Variants in MBD5 observed in about 807,000 individuals in gnomAD.
The protein encoded by MBD5 is methyl-CpG-binding domain protein 5.
A neutral mutation model predicts 117.3 loss-of-function variants in MBD5; 13 were observed. The observed-to-expected ratio is 0.11, with a 90% CI of 0.07 to 0.18. The LOEUF (loss-of-function observed/expected upper bound fraction) is 0.18. Among genes scored for constraint, MBD5 ranks in the 10% least tolerant of loss-of-function variants. The pLI, the probability that MBD5 is intolerant of heterozygous loss-of-function variation, is 1.00. For synonymous variants in MBD5, 727 were observed against 766.4 expected (o/e 0.95, Z 0.85); for missense variants, 1,879 against 2,093.8 (o/e 0.90, Z 2.00).
intron 1 of MBD5, among the ~76,000 whole-genome samples, chr2:148,156,275 T>A (rs115056386): frequency 0.026 from 3,969 of 152,294 alleles, 101 homozygotes; most frequent in African/African-American, 0.067. Flanking sequence ...CTGAGGTGCT[T>A]TAATCTGGCT....
At chr2:148,445,905 A>G (rs141059094) in intron 4 of MBD5, among the ~76,000 whole-genome samples, 24,165 of 150,932 alleles carry the variant, frequency 0.16, 2,402 homozygotes, top group Non-Finnish European at 0.19. Context: ...GCATTTTTTC[A>G]TGTGTCTGTT....
chr2:148,053,989 C>A (rs943728459), intron 1 of MBD5: 1 of 151,408 alleles, frequency 6.6e-6, no homozygotes, highest in South Asian at 2.1e-4. Flanking sequence ...CTCACTGCAA[C>A]CTCGACCTCC....
intron 3 of MBD5, among the ~76,000 whole-genome samples, chr2:148,286,060 A>G (rs974613960): frequency 1.3e-5 from 2 of 152,170 alleles, no homozygotes; most frequent in Non-Finnish European, 2.9e-5. Context: ...GTATTTAGCA[A>G]TAATATTTCA....
chr2:148,086,709 T>C (rs1027647871), intron 1 of MBD5, among the ~76,000 whole-genome samples: 2 of 152,150 alleles, frequency 1.3e-5, no homozygotes. Flanking sequence ...GGGATTCTTT[T>C]TGTATTTCCT....
rs763005983 is a variant in MBD5 at position 148,469,567 on chromosome 2, C to T, written c.1624C>T (p.Pro542Ser). 1.2e-6 allele frequency: 2 copies of T among 1,613,818 alleles called. No individual in the cohort carries two copies. Among genetic ancestry groups the T allele is most frequent in the Non-Finnish European group, 1.7e-6 (2 of 1,179,914 alleles). Residue 542 changes from proline to serine, a missense_variant, in exon 8 of 14, where the codon CCT (proline) becomes TCT (serine). Pro to Ser is a moderately conservative substitution (Grantham distance 74). Around this residue, in one of 4 missense-constraint regions of MBD5, gnomAD observed 1,666 missense variants for 1,792.2 expected, o/e 0.93. Transcript: ENST00000642680. The stretch of plus-strand genomic sequence containing the variant: ...AAATACCCCAAGCAGTGCAGCTTTT[C>T]CTACTGCATCTGCCGGAAGTAGTTC... ...VLNTPSSAAF[P>S]TASAGSSSVK...
chr2:148,462,212 A>G (rs948053432), intron 5 of MBD5, among the ~76,000 whole-genome samples: 2 of 152,100 alleles, frequency 1.3e-5, no homozygotes, highest in Non-Finnish European at 2.9e-5. Context: ...TTCAAAGTAG[A>G]TATTCTAGTT....
chr2:148,157,493 C>T (rs1331925955), intron 1 of MBD5, among the ~76,000 whole-genome samples: 1 of 152,084 alleles, frequency 6.6e-6, no homozygotes, highest in East Asian at 1.9e-4. Context: ...CTTCAGAGAC[C>T]TTGAGCAGTG....
intron 4 of MBD5, among the ~76,000 whole-genome samples, chr2:148,385,284 C>G (rs990618471): frequency 6.6e-6 from 1 of 152,092 alleles, no homozygotes; most frequent in African/African-American, 2.4e-5. Context: ...ACAACCCCAT[C>G]AAAAAGTGGG....
At chr2:148,263,500 A>T (rs1266616824) in intron 3 of MBD5, among the ~76,000 whole-genome samples, 2 of 152,180 alleles carry the variant, frequency 1.3e-5, no homozygotes, top group Non-Finnish European at 2.9e-5. Flanking sequence ...GCTGTTTTAT[A>T]TATTGGGAAG....
At chr2:148,144,728 C>T (rs1484131800) in intron 1 of MBD5, among the ~76,000 whole-genome samples, 5 of 151,996 alleles carry the variant, frequency 3.3e-5, no homozygotes, top group Non-Finnish European at 7.4e-5. Flanking sequence ...TTCTTGTTTT[C>T]GTCAGGTTTT....
intron 1 of MBD5, among the ~76,000 whole-genome samples, chr2:148,166,508 G>C (rs1375426002): frequency 6.6e-6 from 1 of 152,202 alleles, no homozygotes; most frequent in African/African-American, 2.4e-5. Flanking sequence ...CAGAAACTCA[G>C]AGCCTAGTGT....
At chr2:148,087,159 A>G (rs910169933) in intron 1 of MBD5, among the ~76,000 whole-genome samples, 1 of 152,198 alleles carries the variant, frequency 6.6e-6, no homozygotes, top group Admixed American at 6.5e-5. Flanking sequence ...AAACTGAAAG[A>G]AATCACCAAT....
chr2:148,024,115 A>G (rs140113311), intron 1 of MBD5, among the ~76,000 whole-genome samples: 1 of 152,104 alleles, frequency 6.6e-6, no homozygotes, highest in Non-Finnish European at 1.5e-5. Context: ...TATTATGTAC[A>G]GTTCTGGGTA....
chr2:148,294,293 C>T (rs1442143482), intron 3 of MBD5, among the ~76,000 whole-genome samples: 2 of 145,054 alleles, frequency 1.4e-5, no homozygotes, highest in African/African-American at 5.2e-5. Context: ...GGCGTGATCT[C>T]GGCTCACTGC....
intron 4 of MBD5, among the ~76,000 whole-genome samples, chr2:148,382,117 T>C (rs1309453302): frequency 2.6e-5 from 4 of 152,004 alleles, no homozygotes; most frequent in African/African-American, 9.7e-5. Flanking sequence ...AATACTAACC[T>C]CAAATGTAAA....
At position 148,516,386 on chromosome 2, in the gene MBD5, T is replaced by C. The variant is rs775775888; in HGVS notation, c.*3445T>C. 1.3e-5 allele frequency: 2 copies of C among 152,246 alleles called. No individual in the cohort carries two copies. Among genetic ancestry groups the C allele is most frequent in the Non-Finnish European group, 2.9e-5 (2 of 68,032 alleles). 9.4% of individuals were successfully genotyped at this position (152,246 alleles called of 1,614,324 possible). On this transcript the variant is annotated 3_prime_UTR_variant, in exon 14 of 14. Coordinates refer to ENST00000642680, the MANE Select transcript of MBD5 (RefSeq NM_001378120.1). ...TGAAAATTGGATATCTTATTTACTT[T>C]GCCCATTTATGCCCGAATGGTGTAA...
chr2:148,316,190 C>G (rs1702153464), intron 3 of MBD5, among the ~76,000 whole-genome samples: 1 of 152,202 alleles, frequency 6.6e-6, no homozygotes, highest in African/African-American at 2.4e-5. Context: ...TCCTCCAACA[C>G]TGGTGATTGC....
chr2:148,441,727 G>A (rs1706331252), intron 4 of MBD5, among the ~76,000 whole-genome samples: 1 of 151,858 alleles, frequency 6.6e-6, no homozygotes, highest in African/African-American at 2.4e-5. Context: ...CACCAACAGT[G>A]TAAAAGTGTT....
rs1706954151 is a variant in MBD5 at position 148,458,501 on chromosome 2, C to A, written c.-258C>A. 2 of 587,728 alleles carry A rather than the reference C, an allele frequency of 3.4e-6. No individual in the cohort carries two copies. Among genetic ancestry groups the A allele is most frequent in the Middle Eastern group, 4.5e-4 (1 of 2,220 alleles). 36.4% of individuals were successfully genotyped at this position (587,728 alleles called of 1,614,324 possible). A position where few individuals can be genotyped will look rare whatever the true frequency, so the allele number is the denominator to read the frequency against. On this transcript the variant is annotated 5_prime_UTR_variant, in exon 5 of 14. It introduces an in-frame stop codon into an upstream open reading frame of the 5' UTR. Coordinates refer to ENST00000642680, the MANE Select transcript of MBD5 (RefSeq NM_001378120.1). ...ATGATTTTCCTTAGTCAGAAGCACT[C>A]ATTTTTACCCATGTAGACCATCCTT...
Sources: gnomAD v4.1 joint callset for allele counts (sites outside exome capture counted in the v4.1 genomes callset) on GRCh38, gnomAD v4.1.1 for gene constraint, gnomAD v4.1.1 regional missense constraint, MANE v1.5 for transcripts, NCBI Gene and HGNC (gene_info 2026-07-23, HGNC 2026-07-21) for gene names.